Variants in TRPM3 observed in about 807,000 individuals in gnomAD.
TRPM3 encodes the protein long transient receptor potential channel 3.
TRPM3 carries 77 observed loss-of-function variants against 181.2 expected under a neutral mutation model. That is an observed-to-expected ratio of 0.42 (90% CI 0.35 to 0.51). TRPM3 has a LOEUF of 0.51. Ranked by LOEUF, TRPM3 falls within the 20% of genes least tolerant of loss-of-function variation. The pLI is 0.01. For missense variants in TRPM3, 1,759 were observed against 2,196.7 expected (o/e 0.80, Z 3.98); for synonymous variants, 745 against 796.4 (o/e 0.94, Z 1.09).
In TRPM3 at chr9:70,579,616, C is replaced by T. The variant is rs1265751783; in HGVS notation, c.3223+11415G>A. On this transcript the variant is annotated intron_variant, in intron 22 of 25. Coordinates refer to ENST00000677713, the MANE Select transcript of TRPM3 (RefSeq NM_001366145.2). The stretch of plus-strand genomic sequence containing the variant: ...GAGATGGGGTTTGGAGGAGGAGAAA[C>T]CTAGCTGAACTGAAAAAGCTGCAGC... 2.6e-5 allele frequency among the ~76,000 whole-genome samples: 4 copies of T among 152,284 alleles called. No homozygotes were observed. The South Asian group carries it at 8.3e-4, about 32-fold the overall frequency.
chr9:70,589,858 A>G (rs2132507651), intron 22 of TRPM3, among the ~76,000 whole-genome samples: 1 of 152,322 alleles, frequency 6.6e-6, no homozygotes, highest in East Asian at 1.9e-4. Flanking sequence ...CAACGTACAC[A>G]TCCTCTTCAC....
intron 6 of TRPM3, among the ~76,000 whole-genome samples, chr9:70,820,818 C>T (rs2093104040): frequency 6.6e-6 from 1 of 152,004 alleles, no homozygotes; most frequent in African/African-American, 2.4e-5. Context: ...GTAACTTGCC[C>T]AAGGTCACAG....
chr9:71,199,746 A>G (rs1348071123), intron 1 of TRPM3, among the ~76,000 whole-genome samples: 1 of 144,326 alleles, frequency 6.9e-6, no homozygotes, highest in Non-Finnish European at 1.5e-5. Flanking sequence ...TTTTGCGTCT[A>G]TTTGATTCTT....
intron 3 of TRPM3, among the ~76,000 whole-genome samples, chr9:70,855,756 G>A (rs1243145978): frequency 2.0e-5 from 3 of 152,146 alleles, no homozygotes; most frequent in African/African-American, 7.2e-5. Flanking sequence ...TAAAGCTGTG[G>A]CTGAAGAGAA....
At chr9:71,048,239 G>C (rs1455110103) in intron 1 of TRPM3, among the ~76,000 whole-genome samples, 4 of 152,176 alleles carry the variant, frequency 2.6e-5, no homozygotes, top group African/African-American at 7.2e-5. Flanking sequence ...CTGGTGTCCT[G>C]TTGGGAACAA....
intron 1 of TRPM3, among the ~76,000 whole-genome samples, chr9:71,191,300 C>T (rs2078004471): frequency 6.6e-6 from 1 of 151,766 alleles, no homozygotes; most frequent in Non-Finnish European, 1.5e-5. Context: ...TAAAACAAGA[C>T]TCTGTGTCAT....
chr9:70,887,886 T>C (rs2096118721), intron 1 of TRPM3, among the ~76,000 whole-genome samples: 1 of 152,212 alleles, frequency 6.6e-6, no homozygotes. Context: ...ATAACCATCA[T>C]ATGATGAAAA....
At chr9:71,004,330 CTT>C in intron 1 of TRPM3, among the ~76,000 whole-genome samples, 1 of 152,372 alleles carries the variant, frequency 6.6e-6, no homozygotes, top group Non-Finnish European at 1.5e-5. Context: ...GTGGCACTAA[CTT>C]AAGTCTTTCT....
At chr9:71,401,866 C>T (rs2093346671) in intron 1 of TRPM3, among the ~76,000 whole-genome samples, 1 of 152,160 alleles carries the variant, frequency 6.6e-6, no homozygotes, top group Non-Finnish European at 1.5e-5. Context: ...AATAATTTAT[C>T]CAGCTGAGCA....
At chr9:70,776,332 C>T in intron 7 of TRPM3, 1 of 634,812 alleles carries the variant, frequency 1.6e-6, no homozygotes, top group East Asian at 2.9e-5. Flanking sequence ...GGGTAGGACA[C>T]TGCAGATGCT....
chr9:71,359,488 A>T lies in TRPM3; in HGVS notation c.183+87165T>A, dbSNP rs564889780. ...TTAAACCAACATAATTTAAACCCAT[A>T]CCTAAGACCTCTGCTATTAACCCAC... On this transcript the variant is annotated intron_variant, in intron 1 of 24. Coordinates refer to the TRPM3 transcript ENST00000357533. Among the ~76,000 whole-genome samples the T allele has an allele frequency of 1.1e-4, 16 of 152,326 alleles. No homozygotes were observed. In the South Asian group the frequency reaches 1.7e-3, roughly 16 times the overall value.
intron 1 of TRPM3, among the ~76,000 whole-genome samples, chr9:71,371,148 G>T (rs1267423784): frequency 1.3e-5 from 2 of 152,140 alleles, no homozygotes; most frequent in Admixed American, 6.5e-5. Context: ...GATGTACACG[G>T]AGTTGAATGT....
rs12379939 is a variant in TRPM3, at chr9:70,998,134, T to C, written c.177+123044A>G. Among the ~76,000 whole-genome samples the C allele has an allele frequency of 2.9e-5, 4 of 140,020 alleles. No individual in the cohort carries two copies. In the Admixed American group the frequency reaches 2.9e-4, roughly 10 times the overall value. The allele number at this position is 140,020 out of a possible 152,430, so 91.9% of individuals were successfully genotyped here. A position where few individuals can be genotyped will look rare whatever the true frequency, so the allele number is the denominator to read the frequency against. ...TGCTCTAATTGTTTATATATATACA[T>C]ATATATACACATATATATATACATA... On this transcript the variant is annotated intron_variant, in intron 1 of 25. Coordinates refer to ENST00000677713, the MANE Select transcript of TRPM3 (RefSeq NM_001366145.2).
chr9:70,862,888 C>G lies in TRPM3; in HGVS notation c.462+20G>C, dbSNP rs2095557331. ...GACTTGAGATAGCATTTGGGAGCAA[C>G]TGAATGGCTTTCTGATTACCATGGC... On this transcript the variant is annotated intron_variant, in intron 3 of 25. Coordinates refer to ENST00000677713, the MANE Select transcript of TRPM3 (RefSeq NM_001366145.2). 1.2e-6 allele frequency: 2 copies of G among 1,612,068 alleles called. No individual in the cohort carries two copies. The highest frequency in any genetic ancestry group is 2.2e-5 in the South Asian group (2 of 91,012).
chr9:71,303,703 T>A lies in TRPM3; in HGVS notation c.183+142950A>T, dbSNP rs142303120. ...AAAATTAAATCTAATAGCCTAGCTT[T>A]TGTCACTAGCTTATTAAATTACAGA... On this transcript the variant is annotated intron_variant, in intron 1 of 24. Transcript: ENST00000357533. Among the ~76,000 whole-genome samples the A allele has an allele frequency of 4.5e-3, 688 of 152,322 alleles. 6 individuals carry two copies. Among genetic ancestry groups the A allele is most frequent in the African/African-American group, 0.014 (584 of 41,582 alleles).
At chr9:71,331,782 G>C (rs1310023793) in intron 1 of TRPM3, among the ~76,000 whole-genome samples, 1 of 60,242 alleles carries the variant, frequency 1.7e-5, no homozygotes, top group East Asian at 5.1e-4. Context: ...GGGAAGAGGA[G>C]GAAGAAGAGG....
At chr9:71,087,243 G>A (rs1180373084) in intron 1 of TRPM3, among the ~76,000 whole-genome samples, 1 of 151,878 alleles carries the variant, frequency 6.6e-6, no homozygotes, top group Non-Finnish European at 1.5e-5. Context: ...TTTTCGCCTT[G>A]CTACTTCTAG....
chr9:70,864,538 A>AAAG lies in TRPM3; in HGVS notation c.178-28_178-27insCTT, dbSNP rs1554753082. On this transcript the variant is annotated intron_variant, in intron 1 of 25. Coordinates refer to ENST00000677713, the MANE Select transcript of TRPM3 (RefSeq NM_001366145.2). ...TGAAAAAGAAAACAAAAAAAAAAAA[A>AAAG]AAAGAAAAAAGAAAGAAAGGTGAAC... 5,260 of 1,432,516 alleles carry AAAG rather than the reference A, an allele frequency of 3.7e-3. 20 individuals are homozygous for AAAG. The highest frequency in any genetic ancestry group is 4.4e-3 in the Non-Finnish European group (4,790 of 1,084,928). 88.7% of individuals were successfully genotyped at this position (1,432,516 alleles called of 1,614,324 possible). A position where few individuals can be genotyped will look rare whatever the true frequency, so the allele number is the denominator to read the frequency against.
At chr9:71,381,350 T>C (rs1464006233) in intron 1 of TRPM3, among the ~76,000 whole-genome samples, 1 of 151,966 alleles carries the variant, frequency 6.6e-6, no homozygotes, top group Non-Finnish European at 1.5e-5. Context: ...AGACAGTAGG[T>C]GGGTATATCA....
Sources: gnomAD v4.1 joint callset for allele counts (sites outside exome capture counted in the v4.1 genomes callset) on GRCh38, gnomAD v4.1.1 for gene constraint, MANE v1.5 for transcripts, NCBI Gene and HGNC (gene_info 2026-07-23, HGNC 2026-07-21) for gene names.